The following TMEM74 variants were observed in gnomAD, a reference collection of about 807,000 sequenced individuals.
TMEM74 encodes transmembrane protein 74.
A neutral mutation model predicts 18.1 loss-of-function variants in TMEM74; 13 were observed. The observed-to-expected ratio is 0.72, with a 90% CI of 0.47 to 1.14. TMEM74 has a LOEUF of 1.14. TMEM74 is among the 50% of genes most tolerant of loss of function. TMEM74 has a pLI of 0.00. For synonymous variants in TMEM74, 159 were observed against 146.6 expected (o/e 1.08, Z -0.61); for missense variants, 372 against 375.9 (o/e 0.99, Z 0.09).
At chr8:108,718,504 G>C (rs376760097) in intron 1 of TMEM74, among the ~76,000 whole-genome samples, 1 of 152,104 alleles carries the variant, frequency 6.6e-6, no homozygotes, top group South Asian at 2.1e-4. Context: ...ATAGTACTTG[G>C]GGAAGAGCGC....
chr8:108,677,839 A>G (rs1813069776), intron 1 of TMEM74, among the ~76,000 whole-genome samples: 1 of 152,150 alleles, frequency 6.6e-6, no homozygotes, highest in African/African-American at 2.4e-5. Flanking sequence ...AGGTCTTCCT[A>G]GGTCCTTTTA....
chr8:108,768,132 T>C lies in TMEM74; in HGVS notation n.119+19344A>G, dbSNP rs76359034. On this transcript the variant is annotated intron_variant and non_coding_transcript_variant, in intron 1 of 3. Coordinates refer to the TMEM74 transcript ENST00000518838. ...TCCACTGACCATTAGCCATCTTCACTTAAGTGTTCCCCACAGACCTCAAAC... is the reference window on the plus strand; with the variant it reads ...TCCACTGACCATTAGCCATCTTCACCTAAGTGTTCCCCACAGACCTCAAAC... Among the ~76,000 whole-genome samples the C allele has an allele frequency of 6.7e-3, 1,017 of 152,288 alleles. 11 individuals are homozygous for C. The highest frequency in any genetic ancestry group is 0.024 in the African/African-American group (978 of 41,568).
rs1814330926 is a variant in TMEM74, at chr8:108,783,293, C to T, written c.*888G>A. On this transcript the variant is annotated 3_prime_UTR_variant, in exon 2 of 2. Transcript: ENST00000297459. The stretch of plus-strand genomic sequence containing the variant: ...GGAAGCACACCAGAGCCAATCATGA[C>T]TCAGGCCTGTCTAGATGTTTAGATG... Among the ~76,000 whole-genome samples the T allele has an allele frequency of 6.6e-6, 1 of 152,172 alleles. No homozygotes were observed. The highest frequency in any genetic ancestry group is 6.5e-5 in the Admixed American group (1 of 15,274).
At chr8:108,612,868 A>G (rs974804186) in intron 2 of TMEM74, among the ~76,000 whole-genome samples, 1 of 152,228 alleles carries the variant, frequency 6.6e-6, no homozygotes, top group Non-Finnish European at 1.5e-5. Flanking sequence ...TTTGCTTGAC[A>G]TGATTATTTG....
At chr8:108,690,382 TTTG>T (rs1006676559) in intron 1 of TMEM74, among the ~76,000 whole-genome samples, 2 of 141,838 alleles carry the variant, frequency 1.4e-5, no homozygotes, top group African/African-American at 5.3e-5. Context: ...ACTGTTTTTT[TTTG>T]TTTGTTTTTT....
At chr8:108,737,489 G>C (rs1415617965) in intron 1 of TMEM74, among the ~76,000 whole-genome samples, 1 of 152,108 alleles carries the variant, frequency 6.6e-6, no homozygotes. Flanking sequence ...ATAATTTGTT[G>C]ATGAGATTAA....
intron 1 of TMEM74, among the ~76,000 whole-genome samples, chr8:108,734,169 G>C (rs757661995): frequency 5.3e-5 from 8 of 152,170 alleles, no homozygotes; most frequent in Non-Finnish European, 1.0e-4. Flanking sequence ...TAAAAAGGCA[G>C]AGGAAAGATG....
chr8:108,674,796 G>A (rs953407136), intron 1 of TMEM74, among the ~76,000 whole-genome samples: 22 of 152,192 alleles, frequency 1.4e-4, no homozygotes, highest in Non-Finnish European at 2.9e-4. Context: ...ATTGTCCTCC[G>A]TAGAGTTGTG....
At position 108,641,348 on chromosome 8, in the gene TMEM74, T is replaced by C. The variant is rs555075768; in HGVS notation, n.264+13945A>G. ...AAATACAAAATACATGCCTTACTGA[T>C]ACAGTTCATTCTCATTTTTCCTGTA... On this transcript the variant is annotated intron_variant and non_coding_transcript_variant, in intron 2 of 3. Transcript: ENST00000518838. 3.9e-5 allele frequency among the ~76,000 whole-genome samples: 6 copies of C among 152,308 alleles called. No individual in the cohort carries two copies. In the East Asian group the frequency reaches 1.2e-3, roughly 29 times the overall value.
At chr8:108,736,643 G>A (rs376078422) in intron 1 of TMEM74, among the ~76,000 whole-genome samples, 24 of 151,640 alleles carry the variant, frequency 1.6e-4, no homozygotes, top group South Asian at 1.0e-3. Flanking sequence ...TAGGGAAGAC[G>A]CTGTCTCAAA....
At position 108,718,715 on chromosome 8, in the gene TMEM74, T is replaced by C. The variant is rs7011403; in HGVS notation, n.120-63278A>G. Among the ~76,000 whole-genome samples, 928 of 152,282 alleles carry C rather than the reference T, an allele frequency of 6.1e-3. 13 individuals are homozygous for C. The highest frequency in any genetic ancestry group is 0.022 in the African/African-American group (897 of 41,560). On this transcript the variant is annotated intron_variant and non_coding_transcript_variant, in intron 1 of 3. Transcript: ENST00000518838. ...TGGTATATGTATAAGTCACCTGATG[T>C]TTCTTTATATTCTTATGAACCTTTA...
In TMEM74 at chr8:108,784,090, G is replaced by A; in HGVS notation, c.*91C>T. ...TTTGTGAAATAAACTTTTCTTGCCA[G>A]GCAAATAAATTGCACTGTGAATTTT... is the stretch of plus-strand genomic sequence containing the variant. On this transcript the variant is annotated 3_prime_UTR_variant, in exon 2 of 2. Coordinates refer to ENST00000297459, the MANE Select transcript of TMEM74 (RefSeq NM_153015.3). The A allele has an allele frequency of 7.7e-6, 9 of 1,161,482 alleles. No homozygotes were observed. Among genetic ancestry groups the A allele is most frequent in the Non-Finnish European group, 1.1e-5 (9 of 835,772 alleles). The allele number at this position is 1,161,482 out of a possible 1,614,324, so 71.9% of individuals were successfully genotyped here.
chr8:108,695,861 A>T (rs1316741875), intron 1 of TMEM74, among the ~76,000 whole-genome samples: 1 of 152,212 alleles, frequency 6.6e-6, no homozygotes. Context: ...CAGAAATGAT[A>T]GGAAGCTCAG....
chr8:108,681,487 C>G (rs1297653584), intron 1 of TMEM74, among the ~76,000 whole-genome samples: 1 of 152,178 alleles, frequency 6.6e-6, no homozygotes, highest in African/African-American at 2.4e-5. Context: ...AAACTGGATC[C>G]CTTCCTTACA....
At chr8:108,741,974 G>A (rs142145810) in intron 1 of TMEM74, among the ~76,000 whole-genome samples, 292 of 152,206 alleles carry the variant, frequency 1.9e-3, no homozygotes, top group Non-Finnish European at 2.8e-3. Context: ...CCATAAAAAC[G>A]AATGAGATCA....
chr8:108,778,680 A>G (rs559452515), downstream of TMEM74, among the ~76,000 whole-genome samples: 8 of 152,192 alleles, frequency 5.3e-5, no homozygotes, highest in African/African-American at 1.7e-4. Context: ...TCCAGTTAAT[A>G]ATATAAATTG....
At chr8:108,633,562 T>C (rs1812576484) in intron 2 of TMEM74, among the ~76,000 whole-genome samples, 1 of 152,032 alleles carries the variant, frequency 6.6e-6, no homozygotes, top group African/African-American at 2.4e-5. Context: ...AAATTGAGAC[T>C]CTGAGATATT....
intron 1 of TMEM74, among the ~76,000 whole-genome samples, chr8:108,706,298 GT>G (rs1813395459): frequency 3.3e-5 from 5 of 152,274 alleles, no homozygotes; most frequent in Admixed American, 3.3e-4. Context: ...AAGCAATTAA[GT>G]TTTCATTCTT....
intron 1 of TMEM74, among the ~76,000 whole-genome samples, chr8:108,691,982 T>G (rs1813237286): frequency 1.3e-5 from 2 of 152,134 alleles, no homozygotes; most frequent in Non-Finnish European, 2.9e-5. Flanking sequence ...ATACGTTGAG[T>G]GAATGTTCAA....
Sources: allele counts gnomAD v4.1 joint callset (sites outside exome capture counted in the v4.1 genomes callset), GRCh38; gene constraint gnomAD v4.1.1; transcripts MANE v1.5; gene names NCBI Gene and HGNC (gene_info 2026-07-23, HGNC 2026-07-21).